CLEC16A: variants seen among roughly 807,000 people sequenced by gnomAD.
The protein encoded by CLEC16A is C-type lectin domain containing 16A.
A neutral mutation model predicts 109.5 loss-of-function variants in CLEC16A; 51 were observed. The observed-to-expected ratio is 0.47, with a 90% CI of 0.37 to 0.59. CLEC16A has a LOEUF of 0.59. Among genes scored for constraint, CLEC16A ranks in the 20% least tolerant of loss-of-function variants. The pLI is 0.00. For missense variants in CLEC16A, 1,339 were observed against 1,394.0 expected, an observed-to-expected ratio of 0.96 and a Z score of 0.63; for synonymous variants, 673 against 564.2, an observed-to-expected ratio of 1.19 and a Z score of -2.73.
At chr16:11,113,148 C>T (rs1201274921) in intron 19 of CLEC16A, among the ~76,000 whole-genome samples, 2 of 152,226 alleles carry the variant, frequency 1.3e-5, no homozygotes, top group African/African-American at 4.8e-5. Context: ...TGTCAGAGAG[C>T]TCTTGGCTTC....
At chr16:11,086,933 G>T (rs901179053) in intron 19 of CLEC16A, among the ~76,000 whole-genome samples, 1 of 152,144 alleles carries the variant, frequency 6.6e-6, no homozygotes, top group Non-Finnish European at 1.5e-5. Flanking sequence ...AATCCTCAGG[G>T]GGAGGCCCTC....
At position 11,126,056 on chromosome 16, in the gene CLEC16A, C is replaced by G. The variant is rs760619334; in HGVS notation, c.2551C>G (p.Leu851Val). The change falls in exon 22 of 24, where the codon CTG (leucine) becomes GTG (valine). Residue 851 changes from leucine (L) to valine (V), a missense_variant. Leu to Val is a conservative substitution (Grantham distance 32). Around this residue, in one of 3 missense-constraint regions of CLEC16A, gnomAD observed 1,061 missense variants for 1,006.8 expected, o/e 1.05. Transcript: ENST00000409790. ...CGGCTCCTCCACCTCCACTCAGCAC[C>G]TGCCTTTCCGCTTCTACGACCAGGG... ...GLGSSTSTQH[L>V]PFRFYDQGRR... 3 of 1,613,982 alleles carry G rather than the reference C, an allele frequency of 1.9e-6. No homozygotes were observed. The highest frequency in any genetic ancestry group is 2.2e-5 in the South Asian group (2 of 91,086).
chr16:10,955,554 T>C (rs1183596335), intron 1 of CLEC16A, among the ~76,000 whole-genome samples: 1 of 152,172 alleles, frequency 6.6e-6, no homozygotes, highest in Non-Finnish European at 1.5e-5. Flanking sequence ...TGTAAAAGTT[T>C]GCTGGATGAC....
chr16:10,994,893 G>A (rs1157004051), intron 10 of CLEC16A, among the ~76,000 whole-genome samples: 1 of 152,194 alleles, frequency 6.6e-6, no homozygotes, highest in Non-Finnish European at 1.5e-5. Context: ...CCAACGTTGG[G>A]AGGTGCAGCA....
intron 12 of CLEC16A, among the ~76,000 whole-genome samples, chr16:11,023,097 AG>A (rs2046214166): frequency 6.8e-6 from 1 of 146,566 alleles, no homozygotes; most frequent in South Asian, 2.1e-4. Context: ...TTTTTTTACC[AG>A]TTTTTTTTTT....
chr16:11,055,647 G>A (rs899670327), intron 18 of CLEC16A, among the ~76,000 whole-genome samples: 3 of 135,412 alleles, frequency 2.2e-5, no homozygotes, highest in South Asian at 5.0e-4. Context: ...GAGTGCAGTG[G>A]CATGATCTCG....
At position 10,944,643 on chromosome 16, in the gene CLEC16A, A is replaced by G; in HGVS notation, c.-75A>G. 7.1e-7 allele frequency: 1 copy of G among 1,409,228 alleles called. No homozygotes were observed. The highest frequency in any genetic ancestry group is 9.7e-7 in the Non-Finnish European group (1 of 1,026,206). 87.3% of individuals were successfully genotyped at this position (1,409,228 alleles called of 1,614,324 possible). On this transcript the variant is annotated 5_prime_UTR_variant, in exon 1 of 24. Coordinates refer to ENST00000409790, the MANE Select transcript of CLEC16A (RefSeq NM_015226.3). ...CGCCGCCGCATCCTCCGCTTGTGCT[A>G]CCGCCGCGGGCGCTGGGCCGCTCTG...
chr16:11,151,396 C>T (rs955857579), intron 22 of CLEC16A, among the ~76,000 whole-genome samples: 9 of 152,232 alleles, frequency 5.9e-5, no homozygotes, highest in African/African-American at 2.2e-4. Context: ...TCTTCATTCA[C>T]CTGGGCTCTC....
rs201358290 is a variant in CLEC16A, at chr16:11,039,750, C to A, written c.1538-4C>A. 19 of 1,595,226 alleles carry A rather than the reference C, an allele frequency of 1.2e-5. No homozygotes were observed. The highest frequency in any genetic ancestry group is 1.7e-5 in the Admixed American group (1 of 57,358). Reference sequence around the variant, plus strand: ...TCCACTTACATCCTTCTCCTCTGTTCCAGGCATGGATCCTGAAAAATTAGA... The same window carrying A: ...TCCACTTACATCCTTCTCCTCTGTTACAGGCATGGATCCTGAAAAATTAGA... On this transcript the variant is annotated splice_polypyrimidine_tract_variant and splice_region_variant and intron_variant, in intron 13 of 23. Coordinates refer to ENST00000409790, the MANE Select transcript of CLEC16A (RefSeq NM_015226.3).
intron 17 of CLEC16A, among the ~76,000 whole-genome samples, 165 bp from the exon 18 acceptor site, chr16:11,051,348 T>C (rs1221457696): frequency 6.6e-6 from 1 of 152,226 alleles, no homozygotes; most frequent in African/African-American, 2.4e-5. Context: ...TGCTCCCTTA[T>C]CTGGCTGCCT....
chr16:10,994,522 T>TG (rs1437273265), intron 10 of CLEC16A, among the ~76,000 whole-genome samples: 1 of 152,130 alleles, frequency 6.6e-6, no homozygotes, highest in East Asian at 1.9e-4. Context: ...GGGTGTGACC[T>TG]CCTGTGACTT....
intron 16 of CLEC16A, 109 bp from the exon 17 acceptor site, chr16:11,047,183 A>G (rs2047677960): frequency 2.8e-6 from 2 of 710,314 alleles, no homozygotes; most frequent in Non-Finnish European, 4.4e-6. Flanking sequence ...AGAACTCACT[A>G]ATGAGAAACA....
At chr16:11,003,332 G>A in intron 11 of CLEC16A, 27 bp downstream of exon 11, 2 of 1,587,102 alleles carry the variant, frequency 1.3e-6, no homozygotes, top group Non-Finnish European at 1.7e-6. Flanking sequence ...ACGCCGCCCT[G>A]TGCCTGCGCC....
chr16:11,126,149 G>C lies in CLEC16A; in HGVS notation c.2641+3G>C. On this transcript the variant is annotated splice_donor_region_variant and intron_variant, in intron 22 of 23. Coordinates refer to ENST00000409790, the MANE Select transcript of CLEC16A (RefSeq NM_015226.3). ...TGCATCGGTGGACAAGGTGCCAGGTGAGCCAGCCCCCCGCCCTGCGCCACA... is the reference window on the plus strand; with the variant it reads ...TGCATCGGTGGACAAGGTGCCAGGTCAGCCAGCCCCCCGCCCTGCGCCACA... The C allele has an allele frequency of 6.2e-7, 1 of 1,613,686 alleles. No homozygotes were observed. Among genetic ancestry groups the C allele is most frequent in the Non-Finnish European group, 8.5e-7 (1 of 1,179,868 alleles).
At chr16:11,043,505 C>A (rs968143684) in intron 15 of CLEC16A, among the ~76,000 whole-genome samples, 1 of 152,164 alleles carries the variant, frequency 6.6e-6, no homozygotes, top group Non-Finnish European at 1.5e-5. Flanking sequence ...CCATTACAAT[C>A]GAATTACCTA....
intron 17 of CLEC16A, among the ~76,000 whole-genome samples, chr16:11,048,734 C>T (rs938611100): frequency 6.6e-6 from 1 of 152,184 alleles, no homozygotes; most frequent in Non-Finnish European, 1.5e-5. Context: ...TACAGCCCCT[C>T]ATCATTCCTC....
At chr16:10,994,482 G>A (rs1026981099) in intron 10 of CLEC16A, among the ~76,000 whole-genome samples, 2 of 152,154 alleles carry the variant, frequency 1.3e-5, no homozygotes, top group Admixed American at 6.5e-5. Context: ...CAGTGGCCAA[G>A]CCATGTGCTA....
chr16:11,155,572 T>G (rs2054479913), intron 22 of CLEC16A, among the ~76,000 whole-genome samples: 1 of 152,256 alleles, frequency 6.6e-6, no homozygotes, highest in South Asian at 2.1e-4. Context: ...TTTTGAAGCT[T>G]GTTCTGTGCT....
intron 3 of CLEC16A, among the ~76,000 whole-genome samples, chr16:10,967,227 C>T (rs1390254772): frequency 6.6e-6 from 1 of 152,190 alleles, no homozygotes; most frequent in African/African-American, 2.4e-5. Flanking sequence ...CCATCACGAT[C>T]CCGGGCTCCC....
Sources: allele counts gnomAD v4.1 joint callset (sites outside exome capture counted in the v4.1 genomes callset), GRCh38; gene constraint gnomAD v4.1.1; regional missense constraint gnomAD v4.1.1; transcripts MANE v1.5; gene names NCBI Gene and HGNC (gene_info 2026-07-23, HGNC 2026-07-21).